TANC2: variants seen among roughly 807,000 people sequenced by gnomAD.
TANC2 encodes tetratricopeptide repeat, ankyrin repeat and coiled-coil containing 2, also known as protein TANC2.
TANC2 carries 26 observed loss-of-function variants against 210.5 expected under a neutral mutation model. That is an observed-to-expected ratio of 0.12 (90% CI 0.09 to 0.17). The LOEUF is 0.17. TANC2 is among the 10% of genes least tolerant of loss of function. The pLI is 1.00. For missense variants in TANC2, 2,129 were observed against 2,608.9 expected (o/e 0.82, Z 4.01); for synonymous variants, 931 against 967.1 (o/e 0.96, Z 0.69).
intron 21 of TANC2, among the ~76,000 whole-genome samples, chr17:63,407,879 T>G (rs2048564427): frequency 1.3e-5 from 2 of 152,156 alleles, no homozygotes; most frequent in African/African-American, 4.8e-5. Flanking sequence ...CAAAGAGGAA[T>G]GACAGGTTTG....
intron 8 of TANC2, among the ~76,000 whole-genome samples, chr17:63,261,488 T>C (rs1225240213): frequency 3.3e-5 from 5 of 151,960 alleles, no homozygotes; most frequent in African/African-American, 1.2e-4. Flanking sequence ...CCAAGAAGGG[T>C]TCTGTGGAGA....
intron 7 of TANC2, among the ~76,000 whole-genome samples, chr17:63,225,904 A>G (rs957096881): frequency 1.3e-5 from 2 of 152,194 alleles, no homozygotes; most frequent in Non-Finnish European, 2.9e-5. Context: ...TAGAACTTCT[A>G]TTTTGAATGT....
At chr17:63,051,401 AGAAGGCAGAGGCT>A (rs1203926689) in intron 2 of TANC2, among the ~76,000 whole-genome samples, 1 of 152,208 alleles carries the variant, frequency 6.6e-6, no homozygotes, top group Non-Finnish European at 1.5e-5. Flanking sequence ...GTTAATATGA[AGAAGGCAGAGGCT>A]GTTCTAGCTT....
intron 15 of TANC2, among the ~76,000 whole-genome samples, chr17:63,382,933 G>A (rs889718625): frequency 2.0e-5 from 3 of 152,056 alleles, no homozygotes; most frequent in African/African-American, 7.2e-5. Context: ...TTTCAACTCT[G>A]GCTATACATT....
chr17:63,399,818 C>T lies in TANC2; in HGVS notation c.3331+904C>T, dbSNP rs552176882. Among the ~76,000 whole-genome samples, 52 of 152,326 alleles carry T rather than the reference C, an allele frequency of 3.4e-4. No individual in the cohort carries two copies. The South Asian group carries it at 9.3e-3, about 27-fold the overall frequency. ...AAAGACCTATTGTGGCATTTCTTCT[C>T]GTGACAAAGTCTTAGACACATTTCC... On this transcript the variant is annotated intron_variant, in intron 19 of 27. Coordinates refer to ENST00000689528, the Ensembl canonical transcript of TANC2.
chr17:63,416,791 G>A (rs896734855), intron 26 of TANC2, among the ~76,000 whole-genome samples: 3 of 152,252 alleles, frequency 2.0e-5, no homozygotes, highest in Non-Finnish European at 4.4e-5. Context: ...TTGCTCCAGG[G>A]TGCTGAGGGA....
intron 3 of TANC2, among the ~76,000 whole-genome samples, chr17:63,092,686 G>A (rs2037243276): frequency 6.6e-6 from 1 of 151,866 alleles, no homozygotes; most frequent in Non-Finnish European, 1.5e-5. Flanking sequence ...AGCAAGGGGT[G>A]GAGGGAGGTG....
intron 19 of TANC2, among the ~76,000 whole-genome samples, chr17:63,402,771 C>T (rs1201667412): frequency 2.0e-5 from 3 of 152,232 alleles, no homozygotes; most frequent in East Asian, 1.9e-4. Flanking sequence ...AAAGTTGGTT[C>T]CTAACTGCTC....
At chr17:63,250,996 G>A (rs144110667) in intron 8 of TANC2, among the ~76,000 whole-genome samples, 4 of 152,244 alleles carry the variant, frequency 2.6e-5, no homozygotes, top group East Asian at 1.9e-4. Flanking sequence ...GAGGAGGATC[G>A]TGCCAAACGG....
chr17:63,006,521 A>C (rs1047115374), intron 1 of TANC2, among the ~76,000 whole-genome samples: 3 of 152,140 alleles, frequency 2.0e-5, no homozygotes, highest in African/African-American at 7.2e-5. Flanking sequence ...TGTTCAACTT[A>C]TGGGTATTTA....
intron 11 of TANC2, among the ~76,000 whole-genome samples, chr17:63,336,346 C>T (rs1209938638): frequency 6.6e-6 from 1 of 152,208 alleles, no homozygotes; most frequent in Non-Finnish European, 1.5e-5. Context: ...ATATTCAAAG[C>T]TGCCTTCACT....
rs1410142444 is a variant in TANC2, at chr17:63,196,421, G to A, written c.582+2282G>A. On this transcript the variant is annotated intron_variant, in intron 6 of 27. Coordinates refer to ENST00000689528, the Ensembl canonical transcript of TANC2. The stretch of plus-strand genomic sequence containing the variant: ...AACTTGATGTCATATCTTATAACCC[G>A]AATATTTTTCAAGGACTCTGTCATT... Among the ~76,000 whole-genome samples, 7 of 152,186 alleles carry A rather than the reference G, an allele frequency of 4.6e-5. No individual in the cohort carries two copies. The East Asian group carries it at 7.7e-4, about 17-fold the overall frequency.
At chr17:63,303,181 TTTC>T (rs2044779638) in intron 9 of TANC2, among the ~76,000 whole-genome samples, 1 of 152,210 alleles carries the variant, frequency 6.6e-6, no homozygotes, top group African/African-American at 2.4e-5. Context: ...GTTGATGCAA[TTTC>T]TTCATGGTGT....
chr17:63,100,888 T>A (rs561724672), intron 4 of TANC2, among the ~76,000 whole-genome samples: 1 of 152,324 alleles, frequency 6.6e-6, no homozygotes, highest in South Asian at 2.1e-4. Flanking sequence ...TGTAATTGAT[T>A]AATGACATGT....
intron 11 of TANC2, among the ~76,000 whole-genome samples, chr17:63,336,903 T>C (rs989094153): frequency 6.6e-6 from 1 of 152,228 alleles, no homozygotes; most frequent in Non-Finnish European, 1.5e-5. Context: ...GTAGTGACTA[T>C]GTATGATGAC....
chr17:63,096,043 AT>A (rs1369262158), intron 3 of TANC2, among the ~76,000 whole-genome samples: 1 of 152,114 alleles, frequency 6.6e-6, no homozygotes, highest in Admixed American at 6.6e-5. Flanking sequence ...ACTAAGGCTG[AT>A]TTTTTTCAAT....
intron 9 of TANC2, among the ~76,000 whole-genome samples, chr17:63,300,595 T>G (rs2044680973): frequency 6.6e-6 from 1 of 152,162 alleles, no homozygotes. Flanking sequence ...AATGTTGGCG[T>G]ATAGGAATGC....
chr17:63,087,088 A>G (rs1192381726), intron 3 of TANC2, among the ~76,000 whole-genome samples: 1 of 152,224 alleles, frequency 6.6e-6, no homozygotes, highest in Non-Finnish European at 1.5e-5. Context: ...GCCACCTTTA[A>G]GAGCTGTAAC....
intron 14 of TANC2, among the ~76,000 whole-genome samples, chr17:63,357,627 A>G (rs1436631360): frequency 6.6e-6 from 1 of 152,250 alleles, no homozygotes; most frequent in Non-Finnish European, 1.5e-5. Flanking sequence ...CTCCCCAGCA[A>G]TGGCTGGCAC....
Sources: gnomAD v4.1 joint callset for allele counts (sites outside exome capture counted in the v4.1 genomes callset) on GRCh38, gnomAD v4.1.1 for gene constraint, MANE v1.5 for transcripts, NCBI Gene and HGNC (gene_info 2026-07-23, HGNC 2026-07-21) for gene names.